The following GABBR1 variants were observed in gnomAD, a reference collection of about 807,000 sequenced individuals.
The protein encoded by GABBR1 is gamma-aminobutyric acid type B receptor subunit 1, also known as GABA-B receptor, R1 subunit.
Under a neutral mutation model 117.7 loss-of-function variants are expected in GABBR1, and 35 were observed. The ratio of observed to expected loss-of-function variants is 0.30; its 90% CI spans 0.23 to 0.39. GABBR1 has a LOEUF of 0.39. GABBR1 is among the 10% of genes least tolerant of loss of function. The pLI is 1.00. For missense variants in GABBR1, 709 were observed against 1,241.8 expected (o/e 0.57, Z 6.45); for synonymous variants, 442 against 486.6 (o/e 0.91, Z 1.21).
In GABBR1 at chr6:29,631,512, G is replaced by A; in HGVS notation, c.173C>T (p.Pro58Leu). The A allele has an allele frequency of 6.2e-7, 1 of 1,614,200 alleles. No homozygotes were observed. Among genetic ancestry groups the A allele is most frequent in the Non-Finnish European group, 8.5e-7 (1 of 1,180,046 alleles). Residue 58 changes from proline to leucine, a missense_variant, in exon 3 of 23, where the codon CCA (proline) becomes CTA (leucine). Transcript: ENST00000377034. This position sits in a 1 kb window ranked among gnomAD's most constrained non-coding sequence, Gnocchi z 5.9. ...CACATACTCAATCTCATAGTCCACTGGCAGGAAGTTGATAGCCTTCACCTG... is the reference window on the plus strand; with the variant it reads ...CACATACTCAATCTCATAGTCCACTAGCAGGAAGTTGATAGCCTTCACCTG... ...RDQVKAINFL[P>L]VDYEIEYVCR...
Position 29,632,655 on chromosome 6 carries a change from C to G in GABBR1, c.-1+195G>C. 2 of 1,457,314 alleles carry G rather than the reference C, an allele frequency of 1.4e-6. No individual in the cohort carries two copies. The highest frequency in any genetic ancestry group is 1.8e-6 in the Non-Finnish European group (2 of 1,102,040). The allele number at this position is 1,457,314 out of a possible 1,614,324, so 90.3% of individuals were successfully genotyped here. On this transcript the variant is annotated intron_variant, in intron 1 of 22. Coordinates refer to ENST00000377034, the MANE Select transcript of GABBR1 (RefSeq NM_001470.4). The surrounding 1 kb of genome is among the most constrained non-coding windows in gnomAD (Gnocchi z 5.8). ...TCTCACCACCTCCTCTCCCCCGGCC[C>G]CCGCGGCTCGCAGAAGCCTGGCTTA...
chr6:29,610,931 T>C lies in GABBR1; in HGVS notation c.1701A>G (p.Lys567=). 1 of 1,612,078 alleles carries C rather than the reference T, an allele frequency of 6.2e-7. No individual in the cohort carries two copies. The highest frequency in any genetic ancestry group is 8.5e-7 in the Non-Finnish European group (1 of 1,179,148). Residue 567 remains lysine, a synonymous_variant, in exon 14 of 23, where the codon AAA becomes AAG. Transcript: ENST00000377034. ...KDDLSWSKTD[K]WIGGSPPADQ... is the part of the protein sequence containing the mutation. ...CAAACAAGATCCACTCACCAATCCA[T>C]TTATCTGTTTTGGACCAGGAAAGAT...
Position 29,606,950 on chromosome 6 carries a change from C to T in GABBR1, c.2164G>A (p.Val722Ile). The T allele has an allele frequency of 1.2e-6, 2 of 1,614,232 alleles. No homozygotes were observed. The part of the protein sequence containing the change: ...ATVGLLVGMD[V>I]LTLAIWQIVD... ...ATCTGCCAGATGGCGAGAGTGAGGA[C>T]ATCCATGCCCACCAGCAGGCCCACT... Residue 722 changes from valine to isoleucine, a missense_variant, in exon 18 of 23, where the codon GTC becomes ATC. Physicochemically the swap from Val to Ile is conservative, Grantham distance 29. Around this residue, in one of 9 missense-constraint regions of GABBR1, gnomAD observed 251 missense variants for 445.3 expected, o/e 0.56. Transcript: ENST00000377034. The surrounding 1 kb of genome is among the most constrained non-coding windows in gnomAD (Gnocchi z 4.5).
At chr6:29,629,976 A>G (rs1286717860) in intron 4 of GABBR1, 6 of 155,264 alleles carry the variant, frequency 3.9e-5, no homozygotes, top group African/African-American at 1.4e-4. Flanking sequence ...CTTTTACCCT[A>G]ATATGTTTCC....
In GABBR1 at chr6:29,627,779, C is replaced by T; in HGVS notation, c.497-133G>A. 4 of 1,457,642 alleles carry T rather than the reference C, an allele frequency of 2.7e-6. No individual in the cohort carries two copies. The South Asian group carries it at 4.2e-5, about 15-fold the overall frequency. 90.3% of individuals were successfully genotyped at this position (1,457,642 alleles called of 1,614,324 possible). Reference sequence around the variant, plus strand: ...GGCCACCCCACCCGGGCAAAAGGGGCCCCGGGCCCCATGGCGTGGGGGGCA... The same window carrying T: ...GGCCACCCCACCCGGGCAAAAGGGGTCCCGGGCCCCATGGCGTGGGGGGCA... On this transcript the variant is annotated intron_variant, in intron 5 of 22. Coordinates refer to ENST00000377034, the MANE Select transcript of GABBR1 (RefSeq NM_001470.4). The surrounding 1 kb of genome is among the most constrained non-coding windows in gnomAD (Gnocchi z 4.4).
chr6:29,612,744 T>C, intron 12 of GABBR1, 130 bp from the exon 13 acceptor site: 1 of 814,920 alleles, frequency 1.2e-6, no homozygotes, highest in Non-Finnish European at 2.1e-6. Context: ...TTATGGCATT[T>C]GCCTGCATAT....
At position 29,606,459 on chromosome 6, in the gene GABBR1, T is replaced by C; in HGVS notation, c.2243A>G (p.Glu748Gly). The C allele has an allele frequency of 6.2e-7, 1 of 1,612,610 alleles. No homozygotes were observed. Among genetic ancestry groups the C allele is most frequent in the Non-Finnish European group, 8.5e-7 (1 of 1,179,556 alleles). The change falls in exon 19 of 23, where the codon GAA becomes GGA. Residue 748 changes from glutamate (E) to glycine (G), a missense_variant. By Grantham distance (98) the Glu-to-Gly change is moderately conservative. This residue lies in a region of GABBR1 where 251 missense variants were observed against 445.3 expected (regional missense o/e 0.56). Transcript: ENST00000377034. This position sits in a 1 kb window ranked among gnomAD's most constrained non-coding sequence, Gnocchi z 4.5. ...GGGCAGAATAGAGACGTCAATATCT[T>C]CCTTAGGTTCCTCCTTGGCAAATGT... ...IETFAKEEPK[E>G]DIDVSILPQL... is the part of the protein sequence containing the mutation.
chr6:29,619,912 T>G (rs1461002053), intron 11 of GABBR1, among the ~76,000 whole-genome samples: 1 of 152,212 alleles, frequency 6.6e-6, no homozygotes, highest in Non-Finnish European at 1.5e-5. Context: ...ACAGTGTGTA[T>G]CATCAGAGTC....
chr6:29,632,611 A>G lies in GABBR1; in HGVS notation c.1-226T>C, dbSNP rs942049368. The G allele has an allele frequency of 7.0e-6, 9 of 1,280,696 alleles. No homozygotes were observed. Among genetic ancestry groups the G allele is most frequent in the African/African-American group, 6.2e-5 (4 of 64,158 alleles). The allele number at this position is 1,280,696 out of a possible 1,614,324, so 79.3% of individuals were successfully genotyped here. On this transcript the variant is annotated intron_variant, in intron 1 of 22. Coordinates refer to ENST00000377034, the MANE Select transcript of GABBR1 (RefSeq NM_001470.4). This position sits in a 1 kb window ranked among gnomAD's most constrained non-coding sequence, Gnocchi z 5.8. ...CTCCTCCTGCCTCCCTCGGCCCCCA[A>G]CCCTCCCGGGACTCCACCTCTCACC...
rs373233158 is a variant in GABBR1, at chr6:29,612,630, T to C, written c.1567-16A>G. ...CCACATGGCCCTGAGGGAAGGAACA[T>C]GTGGAGCAAGGCAAAGGAGACAAAA... is the stretch of plus-strand genomic sequence containing the variant. On this transcript the variant is annotated splice_polypyrimidine_tract_variant and intron_variant, in intron 12 of 22. Transcript: ENST00000377034. The C allele has an allele frequency of 6.2e-7, 1 of 1,612,460 alleles. No individual in the cohort carries two copies. The highest frequency in any genetic ancestry group is 8.5e-7 in the Non-Finnish European group (1 of 1,178,610).
In GABBR1 at chr6:29,627,457, C is replaced by CCG; in HGVS notation, c.657+28_657+29insCG. On this transcript the variant is annotated intron_variant, in intron 6 of 22. Transcript: ENST00000377034. This position sits in a 1 kb window ranked among gnomAD's most constrained non-coding sequence, Gnocchi z 4.4. ...GGCCCCCTGCCCCGCAAGCCCCCACCTCCCACCCACCCCCATGTCCAGGGC... is the reference window on the plus strand; with the variant it reads ...GGCCCCCTGCCCCGCAAGCCCCCACCCGTCCCACCCACCCCCATGTCCAGGGC... 1 of 1,307,888 alleles carries CCG rather than the reference C, an allele frequency of 7.6e-7. No homozygotes were observed. 81.0% of individuals were successfully genotyped at this position (1,307,888 alleles called of 1,614,324 possible).
chr6:29,614,438 G>C (rs1049656875), intron 11 of GABBR1, among the ~76,000 whole-genome samples: 1 of 152,218 alleles, frequency 6.6e-6, no homozygotes, highest in African/African-American at 2.4e-5. Flanking sequence ...ATAAATAGAT[G>C]AATGAAGAAT....
At position 29,605,135 on chromosome 6, in the gene GABBR1, A is replaced by C. The variant is rs1761818635; in HGVS notation, c.2440-147T>G. 4.7e-6 allele frequency: 4 copies of C among 854,016 alleles called. No homozygotes were observed. Among genetic ancestry groups the C allele is most frequent in the East Asian group, 2.7e-5 (1 of 36,840 alleles). The allele number at this position is 854,016 out of a possible 1,614,324, so 52.9% of individuals were successfully genotyped here. ...GATCCAAATTCAGGATCATCCTCAA[A>C]TATAGATTGAGAAAAATCTCAAACT... On this transcript the variant is annotated intron_variant, in intron 20 of 22. Coordinates refer to ENST00000377034, the MANE Select transcript of GABBR1 (RefSeq NM_001470.4). This position sits in a 1 kb window ranked among gnomAD's most constrained non-coding sequence, Gnocchi z 4.2.
At chr6:29,612,966 CTT>C (rs1355922254) in intron 12 of GABBR1, among the ~76,000 whole-genome samples, 1 of 152,114 alleles carries the variant, frequency 6.6e-6, no homozygotes, top group African/African-American at 2.4e-5. Flanking sequence ...ACTGTTTTGT[CTT>C]TCAAAATCCT....
chr6:29,621,944 T>A lies in GABBR1; in HGVS notation c.1066-127A>T. ...GTGCAGGGTAACGCTCAACGTATAG[T>A]GAATAAACGTCAACTGGAAGATGGA... On this transcript the variant is annotated intron_variant, in intron 9 of 22. Transcript: ENST00000377034. This position sits in a 1 kb window ranked among gnomAD's most constrained non-coding sequence, Gnocchi z 5.0. The A allele has an allele frequency of 9.4e-7, 1 of 1,060,978 alleles. No homozygotes were observed. The allele number at this position is 1,060,978 out of a possible 1,614,324, so 65.7% of individuals were successfully genotyped here.
chr6:29,610,883 TC>T (rs1279513049), intron 14 of GABBR1, 40 bp downstream of exon 14: 2 of 1,544,826 alleles, frequency 1.3e-6, no homozygotes, highest in Non-Finnish European at 8.9e-7. Context: ...CCCTTGACTG[TC>T]GAGAGGGGCT....
rs750871752 is a variant in GABBR1 at position 29,606,974 on chromosome 6, C to G, written c.2140G>C (p.Val714Leu). ...TLEPWKLYATVGLLVGMDVLT... is the reference protein window; with the variant it reads ...TLEPWKLYATLGLLVGMDVLT... ...ACATCCATGCCCACCAGCAGGCCCA[C>G]TGTGGCATACAGCTTCCAGGGTTCC... is the stretch of plus-strand genomic sequence containing the variant. The change falls in exon 18 of 23, where the codon GTG becomes CTG. Residue 714 changes from valine (V) to leucine (L), a missense_variant. Coordinates refer to ENST00000377034, the MANE Select transcript of GABBR1 (RefSeq NM_001470.4). This position sits in a 1 kb window ranked among gnomAD's most constrained non-coding sequence, Gnocchi z 4.5. 1 of 1,614,236 alleles carries G rather than the reference C, an allele frequency of 6.2e-7. No individual in the cohort carries two copies. The highest frequency in any genetic ancestry group is 1.1e-5 in the South Asian group (1 of 91,088).
chr6:29,603,790 G>C, intron 22 of GABBR1, 74 bp from the exon 23 acceptor site: 2 of 1,172,384 alleles, frequency 1.7e-6, no homozygotes, highest in Middle Eastern at 2.0e-4. Context: ...GGAAAGAGAG[G>C]AAGGGCACAG....
chr6:29,631,428 G>C lies in GABBR1; in HGVS notation c.257C>G (p.Ser86Cys). 1 of 1,614,116 alleles carries C rather than the reference G, an allele frequency of 6.2e-7. No individual in the cohort carries two copies. Among genetic ancestry groups the C allele is most frequent in the Non-Finnish European group, 8.5e-7 (1 of 1,180,038 alleles). ...PKVRKCLANG[S>C]WTDMDTPSRC... is the part of the protein sequence containing the mutation. ...GCTGGGTGTGTCCATATCTGTCCAG[G>C]AGCCGTTGGCCAGGCACTTGCGGAC... Residue 86 changes from serine to cysteine, a missense_variant, in exon 3 of 23, where the codon TCC becomes TGC. By Grantham distance (112) the Ser-to-Cys change is moderately radical. Coordinates refer to ENST00000377034, the MANE Select transcript of GABBR1 (RefSeq NM_001470.4). This position sits in a 1 kb window ranked among gnomAD's most constrained non-coding sequence, Gnocchi z 5.9.
Sources: gnomAD v4.1 joint callset for allele counts (sites outside exome capture counted in the v4.1 genomes callset) on GRCh38, gnomAD v4.1.1 for gene constraint, gnomAD v4.1.1 regional missense constraint, Gnocchi (gnomAD v3.1) non-coding constraint, MANE v1.5 for transcripts, NCBI Gene and HGNC (gene_info 2026-07-23, HGNC 2026-07-21) for gene names.